GLT8D2: variants seen among roughly 807,000 people sequenced by gnomAD.
The protein encoded by GLT8D2 is glycosyltransferase 8 domain containing 2, also known as glycosyltransferase 8 domain-containing protein 2.
A neutral mutation model predicts 44.5 loss-of-function variants in GLT8D2; 45 were observed. The ratio of observed to expected loss-of-function variants is 1.01; its 90% CI spans 0.80 to 1.30. GLT8D2 has a LOEUF of 1.30. GLT8D2 is among the 50% of genes most tolerant of loss of function. GLT8D2 has a pLI of 0.00. For missense variants in GLT8D2, 400 were observed against 430.4 expected, an observed-to-expected ratio of 0.93 and a Z score of 0.62; for synonymous variants, 156 against 157.2, an observed-to-expected ratio of 0.99 and a Z score of 0.06.
intron 4 of GLT8D2, among the ~76,000 whole-genome samples, chr12:104,008,510 G>C (rs941554530): frequency 6.6e-6 from 1 of 152,072 alleles, no homozygotes; most frequent in Admixed American, 6.6e-5. Flanking sequence ...AAGGGAAGCA[G>C]AGCATAAGAG....
At chr12:104,016,868 AAGAAAGAAAGAAAG>A (rs1365671384) in intron 3 of GLT8D2, among the ~76,000 whole-genome samples, 10 of 151,262 alleles carry the variant, frequency 6.6e-5, no homozygotes, top group African/African-American at 2.4e-4. Flanking sequence ...GAAAGAAAGA[AAGAAAGAAAGAAAG>A]AAAAATAAAG....
At chr12:104,039,213 A>G (rs1880274704) in intron 1 of GLT8D2, among the ~76,000 whole-genome samples, 1 of 152,218 alleles carries the variant, frequency 6.6e-6, no homozygotes, top group African/African-American at 2.4e-5. Context: ...CCTAGGCAAT[A>G]CCATTCAGGA....
At chr12:104,009,010 G>T (rs898846305) in intron 4 of GLT8D2, among the ~76,000 whole-genome samples, 9 of 152,376 alleles carry the variant, frequency 5.9e-5, no homozygotes, top group Non-Finnish European at 1.0e-4. Context: ...GGGCCTCATG[G>T]AGGACCTCTG....
chr12:103,996,540 C>T (rs1024783327), intron 8 of GLT8D2, among the ~76,000 whole-genome samples, 195 bp downstream of exon 8: 11 of 152,182 alleles, frequency 7.2e-5, no homozygotes, highest in Non-Finnish European at 1.3e-4. Context: ...AAGAAAGTTG[C>T]CCCAGAGTTG....
chr12:103,993,534 G>C, intron 9 of GLT8D2, 30 bp from the exon 10 acceptor site: 1 of 1,433,224 alleles, frequency 7.0e-7, no homozygotes, highest in South Asian at 1.3e-5. Context: ...AACAACATTT[G>C]GCCTGGAGCC....
intron 4 of GLT8D2, among the ~76,000 whole-genome samples, chr12:104,010,089 T>TG (rs1255955842): frequency 6.6e-6 from 1 of 152,220 alleles, no homozygotes; most frequent in African/African-American, 2.4e-5. Context: ...AGGTATCATG[T>TG]GATATGTTAC....
intron 10 of GLT8D2, among the ~76,000 whole-genome samples, chr12:103,992,236 T>C (rs928564139): frequency 5.3e-5 from 8 of 152,168 alleles, no homozygotes; most frequent in Admixed American, 4.6e-4. Flanking sequence ...CAAATCATAG[T>C]TGGGATTCCA....
At chr12:104,030,202 G>A (rs372828001) in intron 1 of GLT8D2, among the ~76,000 whole-genome samples, 4 of 152,136 alleles carry the variant, frequency 2.6e-5, no homozygotes, top group East Asian at 3.9e-4. Flanking sequence ...ATAAATCCAC[G>A]CATATATGGT....
In GLT8D2 at chr12:103,989,350, G is replaced by T; in HGVS notation, c.*58C>A. 1 of 1,378,056 alleles carries T rather than the reference G, an allele frequency of 7.3e-7. No individual in the cohort carries two copies. The highest frequency in any genetic ancestry group is 1.4e-5 in the African/African-American group (1 of 69,222). The allele number at this position is 1,378,056 out of a possible 1,614,324, so 85.4% of individuals were successfully genotyped here. ...TTCATAAAGAACAATGTTATAGTTG[G>T]CTACAAAGGGACAATTCCACATTTC... On this transcript the variant is annotated 3_prime_UTR_variant, in exon 11 of 11. Transcript: ENST00000360814.
intron 8 of GLT8D2, among the ~76,000 whole-genome samples, chr12:103,995,839 A>G (rs1873346812): frequency 6.6e-6 from 1 of 152,218 alleles, no homozygotes; most frequent in African/African-American, 2.4e-5. Context: ...AGTACTTTCT[A>G]TACACCAGGC....
chr12:104,059,251 A>G (rs1403610569), intron 1 of GLT8D2, among the ~76,000 whole-genome samples: 1 of 152,184 alleles, frequency 6.6e-6, no homozygotes, highest in East Asian at 1.9e-4. Flanking sequence ...GTAGGTATAC[A>G]TGGACTTCAG....
intron 1 of GLT8D2, among the ~76,000 whole-genome samples, chr12:104,033,349 G>T (rs1346204995): frequency 6.6e-6 from 1 of 152,146 alleles, no homozygotes; most frequent in Non-Finnish European, 1.5e-5. Flanking sequence ...CATGCCATTT[G>T]TGACAATATG....
intron 1 of GLT8D2, among the ~76,000 whole-genome samples, chr12:104,032,390 G>A (rs974344226): frequency 1.4e-5 from 2 of 138,582 alleles, no homozygotes; most frequent in Non-Finnish European, 3.0e-5. Flanking sequence ...TGCCACATGG[G>A]TCCAGTGTTC....
chr12:104,030,642 A>G, intron 1 of GLT8D2: 1 of 1,334,860 alleles, frequency 7.5e-7, no homozygotes, highest in South Asian at 1.4e-5. Flanking sequence ...CATATACCTG[A>G]TAAGAAGTTA....
At chr12:104,048,310 C>A (rs1417159075) in intron 1 of GLT8D2, among the ~76,000 whole-genome samples, 2 of 152,184 alleles carry the variant, frequency 1.3e-5, no homozygotes, top group Admixed American at 6.5e-5. Flanking sequence ...GTTTGGGAAT[C>A]ATTGCGTTAA....
In GLT8D2 at chr12:104,030,311, T is replaced by C. The variant is rs148614125; in HGVS notation, c.-163-8820A>G. Among the ~76,000 whole-genome samples the C allele has an allele frequency of 3.0e-4, 46 of 152,170 alleles. No homozygotes were observed. The East Asian group carries it at 8.9e-3, about 29-fold the overall frequency. ...AAACTGGATATTAACAACAAAAAAA[T>C]TGGATCTTTATCATACACAAAACCA... is the stretch of plus-strand genomic sequence containing the variant. On this transcript the variant is annotated intron_variant, in intron 1 of 10. Transcript: ENST00000360814.
chr12:104,062,398 G>T (rs1432538583), intron 1 of GLT8D2, among the ~76,000 whole-genome samples: 1 of 151,762 alleles, frequency 6.6e-6, no homozygotes, highest in Non-Finnish European at 1.5e-5. Flanking sequence ...AAAACATAGA[G>T]AGTTATCTCT....
intron 3 of GLT8D2, among the ~76,000 whole-genome samples, chr12:104,016,306 A>G (rs1383794035): frequency 6.6e-6 from 1 of 152,046 alleles, no homozygotes; most frequent in Non-Finnish European, 1.5e-5. Flanking sequence ...AGCCATTATG[A>G]CACAGCTGCT....
In GLT8D2 at chr12:104,039,939, A is replaced by T. The variant is rs10467025; in HGVS notation, c.-164+9956T>A. On this transcript the variant is annotated intron_variant, in intron 1 of 10. Transcript: ENST00000360814. Reference sequence around the variant, plus strand: ...AGACTGAATTAAGAAAATGTGGCACATATACACCATGGAATACTATGCAGC... The same window carrying T: ...AGACTGAATTAAGAAAATGTGGCACTTATACACCATGGAATACTATGCAGC... Among the ~76,000 whole-genome samples, 996 of 152,376 alleles carry T rather than the reference A, an allele frequency of 6.5e-3. 16 individuals are homozygous for T. Among genetic ancestry groups the T allele is most frequent in the African/African-American group, 0.023 (942 of 41,590 alleles).
Sources: allele counts gnomAD v4.1 joint callset (sites outside exome capture counted in the v4.1 genomes callset), GRCh38; gene constraint gnomAD v4.1.1; transcripts MANE v1.5; gene names NCBI Gene and HGNC (gene_info 2026-07-23, HGNC 2026-07-21).